ARB2A: variants seen among roughly 807,000 people sequenced by gnomAD.
ARB2A encodes the protein ARB2 cotranscriptional regulator A.
chr5:94,109,227 G>A, the ARB2A span, among the ~76,000 whole-genome samples: 1 of 152,204 alleles, frequency 6.6e-6, no homozygotes, highest in Non-Finnish European at 1.5e-5. Context: ...ACCTAGAGTA[G>A]TCAAATTCAT....
the ARB2A span, among the ~76,000 whole-genome samples, chr5:93,984,657 CTTT>C: frequency 1.3e-5 from 2 of 152,286 alleles, no homozygotes; most frequent in East Asian, 3.9e-4. Flanking sequence ...CTGTGCCCTT[CTTT>C]TAACATGTGT....
chr5:94,022,205 AATTATT>A, the ARB2A span, among the ~76,000 whole-genome samples: 1 of 152,108 alleles, frequency 6.6e-6, no homozygotes, highest in Non-Finnish European at 1.5e-5. Context: ...TAATAATAAC[AATTATT>A]ATTATTATCT....
At chr5:93,935,839 C>A in the ARB2A span, among the ~76,000 whole-genome samples, 9 of 151,906 alleles carry the variant, frequency 5.9e-5, no homozygotes, top group African/African-American at 2.2e-4. Flanking sequence ...TTTTATGATG[C>A]CGTTATTTTG....
the ARB2A span, among the ~76,000 whole-genome samples, chr5:93,655,606 G>A: frequency 2.6e-4 from 40 of 152,286 alleles, no homozygotes; most frequent in African/African-American, 9.6e-4. Context: ...ATACGCAAGG[G>A]AAAGAGCAAG....
At chr5:94,106,902 C>G in the ARB2A span, among the ~76,000 whole-genome samples, 1 of 137,986 alleles carries the variant, frequency 7.2e-6, no homozygotes, top group Non-Finnish European at 1.5e-5. Context: ...ACAAATACCA[C>G]ATGTTCTCAC....
chr5:94,048,118 G>A, the ARB2A span, among the ~76,000 whole-genome samples: 4 of 135,450 alleles, frequency 3.0e-5, no homozygotes, highest in South Asian at 5.0e-4. Flanking sequence ...GCAGTGGCAC[G>A]ATCTCTGTTC....
chr5:93,900,101 TA>T, the ARB2A span, among the ~76,000 whole-genome samples: 1 of 152,152 alleles, frequency 6.6e-6, no homozygotes, highest in Non-Finnish European at 1.5e-5. Flanking sequence ...ATAAATCAAT[TA>T]ATCAAGTAGT....
the ARB2A span, among the ~76,000 whole-genome samples, chr5:94,020,239 GGGC>G: frequency 7.3e-5 from 11 of 151,162 alleles, no homozygotes; most frequent in African/African-American, 2.4e-4. Context: ...CATGGACACG[GGGC>G]GGGGGGGGTA....
At chr5:93,884,017 A>T in the ARB2A span, among the ~76,000 whole-genome samples, 1 of 151,498 alleles carries the variant, frequency 6.6e-6, no homozygotes, top group Non-Finnish European at 1.5e-5. Context: ...ATAGAATCTT[A>T]AAATTAGTAG....
chr5:93,738,491 T>G, the ARB2A span: 4 of 152,216 alleles, frequency 2.6e-5, no homozygotes, highest in African/African-American at 7.2e-5. Flanking sequence ...AATAGATTAT[T>G]ATATGTAAAT....
At chr5:94,033,415 T>C in the ARB2A span, among the ~76,000 whole-genome samples, 3 of 152,058 alleles carry the variant, frequency 2.0e-5, no homozygotes, top group East Asian at 1.9e-4. Flanking sequence ...GAAATGAATA[T>C]ATATATATAT....
At chr5:93,926,303 A>T in the ARB2A span, among the ~76,000 whole-genome samples, 2 of 148,810 alleles carry the variant, frequency 1.3e-5, no homozygotes, top group African/African-American at 5.0e-5. Context: ...CTAATTTTGT[A>T]TTTTTTTTTC....
chr5:93,974,163 TG>T, the ARB2A span, among the ~76,000 whole-genome samples: 33 of 152,156 alleles, frequency 2.2e-4, no homozygotes, highest in African/African-American at 7.2e-4. Flanking sequence ...CAATCTCACA[TG>T]TAATGACACA....
the ARB2A span, among the ~76,000 whole-genome samples, chr5:93,644,342 G>T: frequency 2.0e-5 from 3 of 152,080 alleles, no homozygotes; most frequent in Non-Finnish European, 2.9e-5. Context: ...TACCACATTG[G>T]TATACCAGTG....
At chr5:94,002,436 G>A in the ARB2A span, among the ~76,000 whole-genome samples, 1 of 151,882 alleles carries the variant, frequency 6.6e-6, no homozygotes, top group African/African-American at 2.4e-5. Flanking sequence ...TAAAGTCATC[G>A]ATTATAGTTC....
At chr5:93,959,137 T>C in the ARB2A span, among the ~76,000 whole-genome samples, 1 of 152,044 alleles carries the variant, frequency 6.6e-6, no homozygotes, top group Non-Finnish European at 1.5e-5. Flanking sequence ...GGTTAACAAT[T>C]ATATATTAGT....
At chr5:93,975,552 A>G in the ARB2A span, among the ~76,000 whole-genome samples, 2 of 152,136 alleles carry the variant, frequency 1.3e-5, no homozygotes, top group African/African-American at 4.8e-5. Flanking sequence ...ACTGTTAGCT[A>G]GATTAACAAA....
chr5:93,865,509 C>T, the ARB2A span: 3 of 985,328 alleles, frequency 3.0e-6, no homozygotes, highest in Non-Finnish European at 3.6e-6. Context: ...CTATAACTGG[C>T]ATTGTACTTT....
chr5:93,767,574 C>G, the ARB2A span, among the ~76,000 whole-genome samples: 11 of 152,084 alleles, frequency 7.2e-5, no homozygotes, highest in Non-Finnish European at 1.5e-4. Context: ...TACTTGCACA[C>G]ACGTTTAAGT....
Sources: allele counts gnomAD v4.1 joint callset (sites outside exome capture counted in the v4.1 genomes callset), GRCh38; gene constraint gnomAD v4.1.1; transcripts MANE v1.5; gene names NCBI Gene and HGNC (gene_info 2026-07-23, HGNC 2026-07-21).